CACNA1H: variants seen among roughly 807,000 people sequenced by gnomAD.
CACNA1H encodes voltage-dependent T-type calcium channel subunit alpha-1H.
A neutral mutation model predicts 192.5 loss-of-function variants in CACNA1H; 149 were observed. The ratio of observed to expected loss-of-function variants is 0.77; its 90% CI spans 0.68 to 0.89. The LOEUF is 0.89. Among genes scored for constraint, CACNA1H ranks in the 40% least tolerant of loss-of-function variants. CACNA1H has a pLI of 0.00. For missense variants in CACNA1H, 4,257 were observed against 3,423.5 expected (o/e 1.24, Z -6.08); for synonymous variants, 2,202 against 1,475.2 (o/e 1.49, Z -11.29).
Position 1,212,501 on chromosome 16 carries a change from G to C in CACNA1H, c.4760-10G>C, listed in dbSNP as rs1969576616. The stretch of plus-strand genomic sequence containing the variant: ...CCCTCGGCCCTCAGACCATCTCCTT[G>C]TCTTTCCAGGCACTTTCCCCAGCCC... On this transcript the variant is annotated splice_polypyrimidine_tract_variant and intron_variant, in intron 25 of 34. Transcript: ENST00000348261. 4 of 1,610,750 alleles carry C rather than the reference G, an allele frequency of 2.5e-6. No homozygotes were observed. Among genetic ancestry groups the C allele is most frequent in the African/African-American group, 1.3e-5 (1 of 74,868 alleles).
intron 2 of CACNA1H, among the ~76,000 whole-genome samples, chr16:1,189,072 C>G (rs951322681): frequency 6.6e-6 from 1 of 152,198 alleles, no homozygotes. Context: ...GGAAGGGGAG[C>G]GCTTACTGCC....
At chr16:1,165,054 A>T (rs558550710) in intron 2 of CACNA1H, among the ~76,000 whole-genome samples, 1 of 152,136 alleles carries the variant, frequency 6.6e-6, no homozygotes, top group East Asian at 1.9e-4. Flanking sequence ...GGGTGGGAAC[A>T]GTGGCGCTCA....
At chr16:1,160,656 C>T (rs914775121) in intron 2 of CACNA1H, among the ~76,000 whole-genome samples, 5 of 152,168 alleles carry the variant, frequency 3.3e-5, no homozygotes, top group Non-Finnish European at 7.4e-5. Context: ...GAGGTGGGCC[C>T]GGGCTGACGG....
chr16:1,214,783 C>T lies in CACNA1H; in HGVS notation c.4930-189C>T, dbSNP rs8061782. ...ACTCATTCACCTGATCAGACACTTA[C>T]GGAGCACTTCCTGTATGCTGGGCTG... On this transcript the variant is annotated intron_variant, in intron 27 of 34. Transcript: ENST00000348261. Among the ~76,000 whole-genome samples the T allele has an allele frequency of 3.6e-3, 551 of 152,248 alleles. 3 individuals carry two copies. Among genetic ancestry groups the T allele is most frequent in the African/African-American group, 0.012 (511 of 41,534 alleles).
intron 2 of CACNA1H, among the ~76,000 whole-genome samples, chr16:1,162,124 C>G (rs1029046192): frequency 6.6e-6 from 1 of 152,068 alleles, no homozygotes; most frequent in Non-Finnish European, 1.5e-5. Context: ...GCGGGGACTC[C>G]TCGTCCCCAC....
chr16:1,202,329 A>G lies in CACNA1H; in HGVS notation c.1879A>G (p.Ser627Gly), dbSNP rs1248200401. The change falls in exon 9 of 35, where the codon AGC becomes GGC. Residue 627 changes from serine to glycine, a missense_variant. Ser to Gly is a moderately conservative substitution (Grantham distance 56). Coordinates refer to ENST00000348261, the MANE Select transcript of CACNA1H (RefSeq NM_021098.3). ...CTCAGGGGTGGGCAGCGGCAAAGGC[A>G]GCACCAGCCCCGGACCCAAGGGGAA... The part of the protein sequence containing the change: ...LPSGVGSGKG[S>G]TSPGPKGKWA... The G allele has an allele frequency of 1.3e-6, 2 of 1,579,884 alleles. No homozygotes were observed. The highest frequency in any genetic ancestry group is 1.7e-6 in the Non-Finnish European group (2 of 1,165,262).
intron 2 of CACNA1H, among the ~76,000 whole-genome samples, chr16:1,179,798 G>A (rs1411654864): frequency 7.2e-6 from 1 of 138,570 alleles, no homozygotes; most frequent in Non-Finnish European, 1.5e-5. Context: ...GCAGTGGCGT[G>A]ATCTCCGCTC....
At chr16:1,211,114 C>A in intron 21 of CACNA1H, 54 bp from the exon 22 acceptor site, 1 of 1,594,252 alleles carries the variant, frequency 6.3e-7, no homozygotes, top group Non-Finnish European at 8.5e-7. Context: ...GCTCTGCCGG[C>A]GCCTGGCAGC....
Position 1,167,037 on chromosome 16 carries a change from G to GC in CACNA1H, c.299+13006dup, listed in dbSNP as rs892741418. Among the ~76,000 whole-genome samples the GC allele has an allele frequency of 2.0e-4, 31 of 152,288 alleles. No individual in the cohort carries two copies. Among genetic ancestry groups the GC allele is most frequent in the Non-Finnish European group, 3.8e-4 (26 of 68,012 alleles). On this transcript the variant is annotated intron_variant, in intron 2 of 34. Transcript: ENST00000348261. The surrounding 1 kb of genome is among the most constrained non-coding windows in gnomAD (Gnocchi z 4.2). ...GTGCCCACCTGTTGACCCACCTCTC[G>GC]CCCCCAGCTTTTGGGTCCCTGAGTG...
chr16:1,194,896 C>A, intron 2 of CACNA1H, 76 bp from the exon 3 acceptor site: 1 of 1,085,886 alleles, frequency 9.2e-7, no homozygotes, highest in Non-Finnish European at 1.4e-6. Context: ...CTCCGGCTGA[C>A]CGGGTGGGCA....
At position 1,208,029 on chromosome 16, in the gene CACNA1H, C is replaced by T. The variant is rs1968955320; in HGVS notation, c.3171C>T (p.Ser1057=). 6.2e-7 allele frequency: 1 copy of T among 1,605,860 alleles called. No individual in the cohort carries two copies. Among genetic ancestry groups the T allele is most frequent in the Non-Finnish European group, 8.5e-7 (1 of 1,177,112 alleles). ...ELQTTELKMC[S]LAVTPNGHLE... ...GTCCCGCAGAGCTGAAGATGTGTTC[C>T]CTGGCCGTGACCCCCAACGGGCACC... The change falls in exon 16 of 35, where the codon TCC becomes TCT. Residue 1057 remains serine, a synonymous_variant. Coordinates refer to ENST00000348261, the MANE Select transcript of CACNA1H (RefSeq NM_021098.3).
At chr16:1,217,142 G>A (rs184725511) in intron 31 of CACNA1H, 132 bp downstream of exon 31, 7 of 734,376 alleles carry the variant, frequency 9.5e-6, no homozygotes, top group Admixed American at 5.7e-5. Flanking sequence ...CCTCCTGGGC[G>A]TCCTCACCCG....
Position 1,210,122 on chromosome 16 carries a change from T to C in CACNA1H, c.3832T>C (p.Ser1278Pro), listed in dbSNP as rs1395788801. Reference protein sequence around the residue: ...SREAWALYLFSPQNRFRVSCQ... With the variant: ...SREAWALYLFPPQNRFRVSCQ... ...CGAGGCCTGGGCCCTCTACCTCTTCTCCCCACAGAACCGGTGAGGCGGCCG... is the reference window on the plus strand; with the variant it reads ...CGAGGCCTGGGCCCTCTACCTCTTCCCCCCACAGAACCGGTGAGGCGGCCG... The change falls in exon 18 of 35, where the codon TCC (serine) becomes CCC (proline). Residue 1278 changes from serine (S) to proline (P), a missense_variant. Physicochemically the swap from Ser to Pro is moderately conservative, Grantham distance 74. Transcript: ENST00000348261. The C allele has an allele frequency of 2.6e-6, 4 of 1,558,006 alleles. No homozygotes were observed. Among genetic ancestry groups the C allele is most frequent in the East Asian group, 2.4e-5 (1 of 41,328 alleles).
intron 2 of CACNA1H, among the ~76,000 whole-genome samples, chr16:1,175,690 G>T (rs1964813515): frequency 6.6e-6 from 1 of 152,264 alleles, no homozygotes; most frequent in African/African-American, 2.4e-5. Context: ...CCGGAGGGAG[G>T]AGGAGGAGAC....
chr16:1,212,255 T>C, intron 25 of CACNA1H, 117 bp downstream of exon 25: 2 of 1,404,450 alleles, frequency 1.4e-6, no homozygotes, highest in Non-Finnish European at 1.9e-6. Context: ...GCCACCCGCC[T>C]TGCCTGGGCC....
intron 2 of CACNA1H, among the ~76,000 whole-genome samples, chr16:1,175,063 C>G (rs1243424681): frequency 1.3e-5 from 2 of 152,128 alleles, no homozygotes; most frequent in Non-Finnish European, 2.9e-5. Flanking sequence ...GAGTCCTACT[C>G]TACGCACAGG....
rs372361783 is a variant in CACNA1H at position 1,211,310 on chromosome 16, G to T, written c.4350+16G>T. The T allele has an allele frequency of 6.2e-7, 1 of 1,612,552 alleles. No homozygotes were observed. Among genetic ancestry groups the T allele is most frequent in the African/African-American group, 1.3e-5 (1 of 74,906 alleles). ...GGGTGTGCAGGTGTGTGGCCCCCAC[G>T]TGCCCGGGGGTCTGCCCCGTCGCAG... On this transcript the variant is annotated intron_variant, in intron 22 of 34. Transcript: ENST00000348261.
chr16:1,207,133 C>T lies in CACNA1H; in HGVS notation c.2907+15C>T. ...CCGTGTTCCAGGTAGTGCCCGGGGT[C>T]CCCGCAGCAGTGTTGGGTGCTGAGT... is the stretch of plus-strand genomic sequence containing the variant. On this transcript the variant is annotated intron_variant, in intron 13 of 34. Coordinates refer to ENST00000348261, the MANE Select transcript of CACNA1H (RefSeq NM_021098.3). 2 of 1,569,076 alleles carry T rather than the reference C, an allele frequency of 1.3e-6. No homozygotes were observed. Among genetic ancestry groups the T allele is most frequent in the Non-Finnish European group, 1.7e-6 (2 of 1,155,700 alleles).
In CACNA1H at chr16:1,207,264, C is replaced by G; in HGVS notation, c.2908-11C>G. ...TGGGGTGACCACCCCAGGCCCCCTG[C>G]TATCCCCCAGATCCTGACCCAGGAG... On this transcript the variant is annotated splice_polypyrimidine_tract_variant and intron_variant, in intron 13 of 34. Transcript: ENST00000348261. 1.3e-6 allele frequency: 2 copies of G among 1,598,894 alleles called. No individual in the cohort carries two copies. Among genetic ancestry groups the G allele is most frequent in the Non-Finnish European group, 8.5e-7 (1 of 1,171,266 alleles).
Sources: gnomAD v4.1 joint callset for allele counts (sites outside exome capture counted in the v4.1 genomes callset) on GRCh38, gnomAD v4.1.1 for gene constraint, Gnocchi (gnomAD v3.1) non-coding constraint, MANE v1.5 for transcripts, NCBI Gene and HGNC (gene_info 2026-07-23, HGNC 2026-07-21) for gene names.